EIF4E: variants seen among roughly 807,000 people sequenced by gnomAD.
EIF4E encodes the protein eukaryotic translation initiation factor 4E.
For missense variants in EIF4E, 113 were observed against 265.6 expected, an observed-to-expected ratio of 0.43 and a Z score of 3.99; for synonymous variants, 71 against 88.5, an observed-to-expected ratio of 0.80 and a Z score of 1.11.
chr4:98,922,044 T>C (rs1044521928), intron 1 of EIF4E, among the ~76,000 whole-genome samples: 3 of 152,226 alleles, frequency 2.0e-5, no homozygotes, highest in African/African-American at 4.8e-5. Flanking sequence ...TTTTATTTTA[T>C]AGCTGTAGCA....
intron 2 of EIF4E, among the ~76,000 whole-genome samples, chr4:98,892,465 G>A (rs1009796182): frequency 1.5e-4 from 23 of 151,898 alleles, no homozygotes; most frequent in African/African-American, 5.3e-4. Flanking sequence ...GATCACGTGA[G>A]GTCAGGAGTT....
At chr4:98,922,282 G>A (rs1304286625) in intron 1 of EIF4E, among the ~76,000 whole-genome samples, 4 of 152,184 alleles carry the variant, frequency 2.6e-5, no homozygotes, top group African/African-American at 9.7e-5. Context: ...AGTTAGCCTG[G>A]CGCGGTGGCT....
At chr4:98,903,799 A>C (rs1482303855) in intron 1 of EIF4E, among the ~76,000 whole-genome samples, 1 of 152,228 alleles carries the variant, frequency 6.6e-6, no homozygotes, top group Non-Finnish European at 1.5e-5. Flanking sequence ...CTGAAAATTG[A>C]CATACAGTAA....
At chr4:98,919,032 G>C (rs1237386692) in intron 1 of EIF4E, among the ~76,000 whole-genome samples, 1 of 152,136 alleles carries the variant, frequency 6.6e-6, no homozygotes, top group Non-Finnish European at 1.5e-5. Context: ...AAAAAGCCTG[G>C]GTGTGGTGGC....
At chr4:98,896,642 C>A (rs556694149) in intron 2 of EIF4E, among the ~76,000 whole-genome samples, 1 of 118,296 alleles carries the variant, frequency 8.5e-6, no homozygotes, top group African/African-American at 3.4e-5. Flanking sequence ...CCAGTCTGGG[C>A]GACAGAATGG....
At chr4:98,883,401 T>TTC (rs1723783211) in intron 6 of EIF4E, among the ~76,000 whole-genome samples, 1 of 137,200 alleles carries the variant, frequency 7.3e-6, no homozygotes, top group Admixed American at 7.3e-5. Context: ...AAATTTTTTT[T>TTC]TTTTTTTTTT....
intron 1 of EIF4E, among the ~76,000 whole-genome samples, chr4:98,920,744 T>C (rs550990410): frequency 2.4e-4 from 36 of 152,308 alleles, no homozygotes; most frequent in African/African-American, 7.5e-4. Flanking sequence ...AAACAGATTT[T>C]ACAATCCACA....
intron 3 of EIF4E, among the ~76,000 whole-genome samples, chr4:98,889,185 A>G (rs1249648566): frequency 6.6e-6 from 1 of 152,014 alleles, no homozygotes; most frequent in Non-Finnish European, 1.5e-5. Context: ...TTAAGAAAGA[A>G]GTTGGCATCT....
At chr4:98,917,279 A>G (rs146653659) in intron 1 of EIF4E, among the ~76,000 whole-genome samples, 98 of 152,080 alleles carry the variant, frequency 6.4e-4, no homozygotes, top group African/African-American at 2.2e-3. Context: ...GTTCAGCTTT[A>G]ATCCAATCTT....
chr4:98,889,801 C>T (rs1724074859), intron 3 of EIF4E, among the ~76,000 whole-genome samples: 1 of 152,018 alleles, frequency 6.6e-6, no homozygotes, highest in Non-Finnish European at 1.5e-5. Flanking sequence ...TGGCTCAAGG[C>T]TTCCTTTTTC....
At chr4:98,928,214 T>C (rs1283422695) in intron 1 of EIF4E, among the ~76,000 whole-genome samples, 1 of 151,538 alleles carries the variant, frequency 6.6e-6, no homozygotes, top group Non-Finnish European at 1.5e-5. Flanking sequence ...GACGGGCGCG[T>C]GTGAAATGCA....
At chr4:98,903,467 C>T (rs72692640) in intron 1 of EIF4E, 8 of 455,616 alleles carry the variant, frequency 1.8e-5, no homozygotes, top group Middle Eastern at 3.3e-4. Flanking sequence ...TCAGCTTCCA[C>T]GGTAACTGGG....
At chr4:98,913,953 A>G (rs1372777621) in intron 1 of EIF4E, among the ~76,000 whole-genome samples, 1 of 152,144 alleles carries the variant, frequency 6.6e-6, no homozygotes, top group Non-Finnish European at 1.5e-5. Context: ...TAACAGATAA[A>G]CAAACCACGG....
intron 1 of EIF4E, among the ~76,000 whole-genome samples, chr4:98,927,368 T>TAAA (rs1304316491): frequency 6.6e-6 from 1 of 152,126 alleles, no homozygotes; most frequent in African/African-American, 2.4e-5. Context: ...TAAAAGTCTT[T>TAAA]AAAAGTGCCG....
rs1008216679 is a variant in EIF4E, at chr4:98,882,832, TA to T, written c.540-1691del. Among the ~76,000 whole-genome samples, 816 of 144,442 alleles carry T rather than the reference TA, an allele frequency of 5.6e-3. 4 individuals carry two copies. Among genetic ancestry groups the T allele is most frequent in the African/African-American group, 0.011 (445 of 39,652 alleles). 94.8% of individuals were successfully genotyped at this position (144,442 alleles called of 152,430 possible). Reference sequence around the variant, plus strand: ...AAAAAAATTCTTAATTTAACTCATTTAAAAAAAAAAAAAGTAAATCCTCCAA... The same window carrying T: ...AAAAAAATTCTTAATTTAACTCATTTAAAAAAAAAAAAGTAAATCCTCCAA... On this transcript the variant is annotated intron_variant, in intron 6 of 6. Coordinates refer to ENST00000450253, the MANE Select transcript of EIF4E (RefSeq NM_001968.5).
chr4:98,900,229 A>C (rs1170267073), intron 2 of EIF4E, among the ~76,000 whole-genome samples: 1 of 152,130 alleles, frequency 6.6e-6, no homozygotes, highest in Non-Finnish European at 1.5e-5. Context: ...CCTCTAACGA[A>C]TTGTTCAACC....
chr4:98,908,037 T>A (rs1055508394), intron 1 of EIF4E, among the ~76,000 whole-genome samples: 3 of 152,138 alleles, frequency 2.0e-5, no homozygotes, highest in African/African-American at 7.2e-5. Flanking sequence ...CAATAGAAGA[T>A]AAATCACTAA....
intron 1 of EIF4E, chr4:98,909,389 T>C: frequency 2.6e-6 from 1 of 382,582 alleles, no homozygotes; most frequent in Non-Finnish European, 4.6e-6. Flanking sequence ...TGTCATTCAT[T>C]TGACAAATTA....
intron 1 of EIF4E, among the ~76,000 whole-genome samples, chr4:98,904,870 GTA>G (rs1724802225): frequency 6.6e-6 from 1 of 151,974 alleles, no homozygotes; most frequent in African/African-American, 2.4e-5. Flanking sequence ...GAATCAGTAA[GTA>G]TACTAATTTA....
Sources: allele counts gnomAD v4.1 joint callset (sites outside exome capture counted in the v4.1 genomes callset), GRCh38; gene constraint gnomAD v4.1.1; transcripts MANE v1.5; gene names NCBI Gene and HGNC (gene_info 2026-07-23, HGNC 2026-07-21).